Variants in CRPPA observed in about 807,000 individuals in gnomAD.
CRPPA encodes CDP-L-ribitol pyrophosphorylase A, also known as D-ribitol-5-phosphate cytidylyltransferase.
A neutral mutation model predicts 52.0 loss-of-function variants in CRPPA; 43 were observed. That is an observed-to-expected ratio of 0.83 (90% CI 0.65 to 1.07). CRPPA has a LOEUF of 1.07. Among genes scored for constraint, CRPPA ranks in the 50% least tolerant of loss-of-function variants. CRPPA has a pLI of 0.00. For synonymous variants in CRPPA, 250 were observed against 203.5 expected (o/e 1.23, Z -1.94); for missense variants, 629 against 551.7 (o/e 1.14, Z -1.40).
intron 9 of CRPPA, among the ~76,000 whole-genome samples, chr7:16,156,827 A>AAAAG (rs1783190603): frequency 6.6e-6 from 1 of 152,170 alleles, no homozygotes; most frequent in African/African-American, 2.4e-5. Context: ...AAGTATTTGC[A>AAAAG]TTAGTAGAGA....
At chr7:16,102,577 C>T (rs1782068353) in intron 9 of CRPPA, among the ~76,000 whole-genome samples, 2 of 152,036 alleles carry the variant, frequency 1.3e-5, no homozygotes, top group African/African-American at 4.8e-5. Context: ...GGCTAATATC[C>T]AGAATCTACA....
chr7:16,145,599 T>C (rs914573815), intron 9 of CRPPA, among the ~76,000 whole-genome samples: 3 of 148,838 alleles, frequency 2.0e-5, no homozygotes, highest in African/African-American at 7.4e-5. Context: ...GAAAACAAGA[T>C]ATGAGGAGAA....
chr7:16,163,341 CTT>C (rs1014208571), intron 9 of CRPPA, among the ~76,000 whole-genome samples: 15 of 145,896 alleles, frequency 1.0e-4, no homozygotes, highest in African/African-American at 3.5e-4. Flanking sequence ...GCAACCCCTG[CTT>C]TTTTTTTTTC....
At chr7:16,167,482 G>A (rs529197351) in intron 9 of CRPPA, among the ~76,000 whole-genome samples, 23 of 152,226 alleles carry the variant, frequency 1.5e-4, no homozygotes, top group African/African-American at 4.6e-4. Context: ...CAGGTTTTCC[G>A]AGATGGTCTA....
chr7:16,328,131 T>A (rs75588500), intron 3 of CRPPA, among the ~76,000 whole-genome samples: 1,591 of 152,326 alleles, frequency 0.01, 35 homozygotes, highest in African/African-American at 0.037. Flanking sequence ...TATTACGGAA[T>A]CTTTAGGGAG....
intron 3 of CRPPA, among the ~76,000 whole-genome samples, chr7:16,366,137 C>T (rs1786583174): frequency 6.6e-6 from 1 of 152,132 alleles, no homozygotes; most frequent in Non-Finnish European, 1.5e-5. Context: ...CATCACTTGG[C>T]AGAAGGGGCA....
At chr7:16,279,431 G>C (rs1034654765) in intron 5 of CRPPA, among the ~76,000 whole-genome samples, 3 of 152,114 alleles carry the variant, frequency 2.0e-5, no homozygotes, top group African/African-American at 7.2e-5. Context: ...TATGTAACAG[G>C]TTCAGGAAGC....
At chr7:16,297,478 G>A (rs1241095182) in intron 5 of CRPPA, among the ~76,000 whole-genome samples, 1 of 152,102 alleles carries the variant, frequency 6.6e-6, no homozygotes, top group Non-Finnish European at 1.5e-5. Context: ...AGATTCTAGG[G>A]AAAAACTGCA....
At chr7:16,161,610 A>G (rs940592092) in intron 9 of CRPPA, among the ~76,000 whole-genome samples, 1 of 152,156 alleles carries the variant, frequency 6.6e-6, no homozygotes, top group African/African-American at 2.4e-5. Flanking sequence ...GGATTTTTGC[A>G]TCAATGTTCA....
chr7:16,211,053 A>T (rs900654993), intron 9 of CRPPA, among the ~76,000 whole-genome samples: 7 of 152,214 alleles, frequency 4.6e-5, no homozygotes, highest in African/African-American at 1.7e-4. Flanking sequence ...TTATTTTTAC[A>T]CATGATGTGA....
intron 1 of CRPPA, among the ~76,000 whole-genome samples, chr7:16,418,871 A>G (rs1449814775): frequency 2.0e-5 from 3 of 152,232 alleles, no homozygotes; most frequent in African/African-American, 7.2e-5. Flanking sequence ...CTGCCTCAGA[A>G]GATGCAAAAA....
At chr7:16,179,077 A>C (rs562212378) in intron 9 of CRPPA, among the ~76,000 whole-genome samples, 14 of 152,110 alleles carry the variant, frequency 9.2e-5, no homozygotes, top group African/African-American at 3.4e-4. Flanking sequence ...ATGGTAAAGC[A>C]ATCAGAAAAG....
rs193237950 is a variant in CRPPA, at chr7:16,384,086, G to A, written c.535-7845C>T. On this transcript the variant is annotated intron_variant, in intron 2 of 9. Coordinates refer to ENST00000407010, the MANE Select transcript of CRPPA (RefSeq NM_001101426.4). ...AATGCAGAAATCACCCGTCTTCTGC[G>A]TCACTCAGGCTGGGAGCTGTAGACC... Among the ~76,000 whole-genome samples, 496 of 152,260 alleles carry A rather than the reference G, an allele frequency of 3.3e-3. 2 individuals are homozygous for A. The highest frequency in any genetic ancestry group is 0.011 in the African/African-American group (446 of 41,550).
chr7:16,372,560 A>G (rs1306770864), intron 3 of CRPPA, among the ~76,000 whole-genome samples: 14 of 152,216 alleles, frequency 9.2e-5, no homozygotes, highest in Non-Finnish European at 2.1e-4. Flanking sequence ...CTAAATCTTG[A>G]AACAAAAGCT....
chr7:16,253,407 G>A (rs549079448), intron 8 of CRPPA, among the ~76,000 whole-genome samples: 10 of 152,278 alleles, frequency 6.6e-5, no homozygotes, highest in African/African-American at 2.4e-4. Flanking sequence ...CCATGTAGTT[G>A]TACAGTTTTG....
At chr7:16,298,635 G>T (rs1784722475) in intron 5 of CRPPA, among the ~76,000 whole-genome samples, 1 of 152,182 alleles carries the variant, frequency 6.6e-6, no homozygotes, top group Non-Finnish European at 1.5e-5. Flanking sequence ...TAAATTATGT[G>T]TCATAAAAAT....
intron 9 of CRPPA, among the ~76,000 whole-genome samples, chr7:16,171,927 G>T (rs1781195344): frequency 6.6e-6 from 1 of 152,102 alleles, no homozygotes; most frequent in African/African-American, 2.4e-5. Context: ...TGATAATTGT[G>T]ATATAAATAT....
At chr7:16,389,927 AAAT>A (rs1787395920) in intron 2 of CRPPA, among the ~76,000 whole-genome samples, 1 of 67,690 alleles carries the variant, frequency 1.5e-5, no homozygotes, top group Non-Finnish European at 3.0e-5. Context: ...AAAAAAAAAA[AAAT>A]ATATATATAT....
intron 4 of CRPPA, among the ~76,000 whole-genome samples, chr7:16,307,673 C>CAAAAAAA (rs55682769): frequency 1.1e-4 from 5 of 44,364 alleles, no homozygotes; most frequent in African/African-American, 3.6e-4. Context: ...GAAACTCTGT[C>CAAAAAAA]AAAAAAAAAA....
Sources: gnomAD v4.1 joint callset for allele counts (sites outside exome capture counted in the v4.1 genomes callset) on GRCh38, gnomAD v4.1.1 for gene constraint, MANE v1.5 for transcripts, NCBI Gene and HGNC (gene_info 2026-07-23, HGNC 2026-07-21) for gene names.